The following KMT2D variants were observed in gnomAD, a reference collection of about 807,000 sequenced individuals.
KMT2D encodes histone-lysine N-methyltransferase 2D.
A neutral mutation model predicts 512.7 loss-of-function variants in KMT2D; 55 were observed. That is an observed-to-expected ratio of 0.11 (90% CI 0.09 to 0.13). The LOEUF is 0.13. Ranked by LOEUF, KMT2D falls within the 10% of genes least tolerant of loss-of-function variation. The probability of loss-of-function intolerance (pLI) is 1.00; values close to 1 mark genes in which losing one functional copy is unlikely to be tolerated. For missense variants in KMT2D, 6,061 were observed against 7,127.9 expected, an observed-to-expected ratio of 0.85 and a Z score of 5.39; for synonymous variants, 2,995 against 2,904.0, an observed-to-expected ratio of 1.03 and a Z score of -1.01.
chr12:49,051,176 TGG>T lies in KMT2D; in HGVS notation c.2505_2506del (p.Gln836ValfsTer2). The T allele has an allele frequency of 7.3e-7, 1 of 1,379,180 alleles. No individual in the cohort carries two copies. 85.4% of individuals were successfully genotyped at this position (1,379,180 alleles called of 1,614,324 possible). On this transcript the variant is annotated frameshift_variant, in exon 11 of 55. Coordinates refer to ENST00000301067, the MANE Select transcript of KMT2D (RefSeq NM_003482.4). LOFTEE classifies it high-confidence loss of function. Reference sequence around the variant, plus strand: ...GGGGGACAGGCATGGCTCCTCAGACTGGGGGGACAGGTGTGATTCCTCAGGTT... The same window carrying T: ...GGGGGACAGGCATGGCTCCTCAGACTGGGGACAGGTGTGATTCCTCAGGTT...
Position 49,019,192 on chromosome 12 carries a change from T to A in KMT2D, c.*2588A>T, listed in dbSNP as rs546682701. ...ATCCGTTGTTACGAAGGACCAACCT[T>A]GCTGTACAGGATACACACAACACAA... On this transcript the variant is annotated 3_prime_UTR_variant, in exon 55 of 55. Coordinates refer to ENST00000301067, the MANE Select transcript of KMT2D (RefSeq NM_003482.4). 2 of 1,081,630 alleles carry A rather than the reference T, an allele frequency of 1.8e-6. No homozygotes were observed. The highest frequency in any genetic ancestry group is 3.3e-5 in the African/African-American group (2 of 61,032). 67.0% of individuals were successfully genotyped at this position (1,081,630 alleles called of 1,614,324 possible). A position where few individuals can be genotyped will look rare whatever the true frequency, so the allele number is the denominator to read the frequency against.
Position 49,033,789 on chromosome 12 carries a change from T to C in KMT2D, c.10916A>G (p.His3639Arg), listed in dbSNP as rs745634784. The change falls in exon 40 of 55, where the codon CAT becomes CGT. Residue 3639 changes from histidine to arginine, a missense_variant. His to Arg is a conservative substitution (Grantham distance 29). Coordinates refer to ENST00000301067, the MANE Select transcript of KMT2D (RefSeq NM_003482.4). ...AGGCCCCTGTGGTGGCTGCAGCCCA[T>C]GGCCAGGGAGCAGCTGACCAGGGAG... Reference protein sequence around the residue: ...TKLPGQLLPGHGLQPPQGPPG... With the variant: ...TKLPGQLLPGRGLQPPQGPPG... 5 of 1,603,674 alleles carry C rather than the reference T, an allele frequency of 3.1e-6. No homozygotes were observed. The highest frequency in any genetic ancestry group is 1.3e-5 in the African/African-American group (1 of 74,556).
In KMT2D at chr12:49,041,197, C is replaced by T. The variant is rs202085637; in HGVS notation, c.6573G>A (p.Thr2191=). The T allele has an allele frequency of 3.5e-3, 5,258 of 1,513,392 alleles. 14 individuals carry two copies. Among genetic ancestry groups the T allele is most frequent in the Non-Finnish European group, 4.4e-3 (4,938 of 1,133,296 alleles). The allele number at this position is 1,513,392 out of a possible 1,614,324, so 93.7% of individuals were successfully genotyped here. The change falls in exon 32 of 55, where the codon ACG becomes ACA. Residue 2191 remains threonine (T), a synonymous_variant. Transcript: ENST00000301067. This position sits in a 1 kb window ranked among gnomAD's most constrained non-coding sequence, Gnocchi z 5.4. ...GATAGGGGGGATAGGTGGGCGGTGC[C>T]GTGGGGAAGCGGGGCTCCAGGGGAT... ...PAYPLEPRFP[T]APPTYPPYPS...
rs1398630977 is a variant in KMT2D, at chr12:49,060,246, G to C, written c.-671C>G. On this transcript the variant is annotated 5_prime_UTR_variant, in exon 1 of 55. Transcript: ENST00000301067. ...CCGAGCGCTCACCCTCGGCGGCTTC[G>C]AGCCCCCCACCTTCTGCTCCCCCCG... is the stretch of plus-strand genomic sequence containing the variant. 6.6e-6 allele frequency among the ~76,000 whole-genome samples: 1 copy of C among 152,014 alleles called. No individual in the cohort carries two copies. Among genetic ancestry groups the C allele is most frequent in the Non-Finnish European group, 1.5e-5 (1 of 67,956 alleles).
intron 6 of KMT2D, 47 bp downstream of exon 6, chr12:49,053,931 C>T (rs1295342817): frequency 1.9e-6 from 3 of 1,584,546 alleles, no homozygotes; most frequent in Non-Finnish European, 2.6e-6. Flanking sequence ...ATCCAAGGCA[C>T]ATTTGGTCTC....
chr12:49,042,982 GAGA>G lies in KMT2D; in HGVS notation c.5644+91_5644+93del. The G allele has an allele frequency of 6.4e-7, 1 of 1,567,362 alleles. No homozygotes were observed. Among genetic ancestry groups the G allele is most frequent in the Non-Finnish European group, 8.8e-7 (1 of 1,140,346 alleles). On this transcript the variant is annotated intron_variant, in intron 26 of 54. Coordinates refer to ENST00000301067, the MANE Select transcript of KMT2D (RefSeq NM_003482.4). This position sits in a 1 kb window ranked among gnomAD's most constrained non-coding sequence, Gnocchi z 4.4. Reference sequence around the variant, plus strand: ...AGGAACAGTCCAGGACTCCCCACCAGAGAAGCTGTACAGATCACAGTCCCAAAG... The same window carrying G: ...AGGAACAGTCCAGGACTCCCCACCAGAGCTGTACAGATCACAGTCCCAAAG...
intron 48 of KMT2D, 60 bp downstream of exon 48, chr12:49,027,743 C>G (rs901615819): frequency 6.5e-7 from 1 of 1,547,646 alleles, no homozygotes; most frequent in Non-Finnish European, 8.7e-7. Flanking sequence ...TGTGAGCCAC[C>G]GCGCCTGGCC....
Position 49,029,151 on chromosome 12 carries a change from G to C in KMT2D, c.14161C>G (p.Arg4721Gly), listed in dbSNP as rs777064703. 6.2e-7 allele frequency: 1 copy of C among 1,613,852 alleles called. No individual in the cohort carries two copies. The highest frequency in any genetic ancestry group is 8.5e-7 in the Non-Finnish European group (1 of 1,179,776). The part of the protein sequence containing the change: ...PESILGEEAP[R>G]FPHLGSGRWE... ...CGGCCTGAGCCCAGATGAGGGAAAC[G>C]AGGGGCCTCCTCCCCCAAGATGCTC... The change falls in exon 45 of 55, where the codon CGT becomes GGT. Residue 4721 changes from arginine (R) to glycine (G), a missense_variant. Physicochemically the swap from Arg to Gly is moderately radical, Grantham distance 125. Transcript: ENST00000301067.
chr12:49,052,960 T>A lies in KMT2D; in HGVS notation c.1067A>T (p.Gln356Leu), dbSNP rs754843359. The change falls in exon 9 of 55, where the codon CAG (glutamine) becomes CTG (leucine). Residue 356 changes from glutamine (Q) to leucine (L), a missense_variant. Physicochemically the swap from Gln to Leu is moderately radical, Grantham distance 113. Around this residue, in one of 16 missense-constraint regions of KMT2D, gnomAD observed 848 missense variants for 838.5 expected, o/e 1.01. Coordinates refer to ENST00000301067, the MANE Select transcript of KMT2D (RefSeq NM_003482.4). ...CTGCTCAGCAACGGAGCGGATAGTC[T>A]GACCTCCCTGGGCTTTGTGACAGCG... Reference protein sequence around the residue: ...CHRCHKAQGGQTIRSVAEQHT... With the variant: ...CHRCHKAQGGLTIRSVAEQHT... 6.2e-7 allele frequency: 1 copy of A among 1,613,912 alleles called. No individual in the cohort carries two copies. The highest frequency in any genetic ancestry group is 1.1e-5 in the South Asian group (1 of 91,092).
chr12:49,026,582 G>A lies in KMT2D; in HGVS notation c.15384C>T (p.Asp5128=), dbSNP rs1404376478. 6.2e-7 allele frequency: 1 copy of A among 1,613,930 alleles called. No homozygotes were observed. The highest frequency in any genetic ancestry group is 1.3e-5 in the African/African-American group (1 of 74,948). The change falls in exon 49 of 55, where the codon GAC becomes GAT. Residue 5128 remains aspartate (D), a synonymous_variant. Coordinates refer to ENST00000301067, the MANE Select transcript of KMT2D (RefSeq NM_003482.4). The surrounding 1 kb of genome is among the most constrained non-coding windows in gnomAD (Gnocchi z 9.6). Reference sequence around the variant, plus strand: ...TATGCATTGGACACAGCATGGTCTTGTCCTTGAAGAACATGCACTTGGCAC... The same window carrying A: ...TATGCATTGGACACAGCATGGTCTTATCCTTGAAGAACATGCACTTGGCAC... ...AIRAKCMFFK[D]KTMLCPMHKI...
At position 49,040,964 on chromosome 12, in the gene KMT2D, G is replaced by C. The variant is rs2120538729; in HGVS notation, c.6806C>G (p.Ser2269Cys). The C allele has an allele frequency of 6.2e-7, 1 of 1,610,830 alleles. No individual in the cohort carries two copies. Reference sequence around the variant, plus strand: ...AGGTGGGGGCGAGAGCAGGGGCTCGGAAGCTTTGCCTCCCCCTACCCCAGG... The same window carrying C: ...AGGTGGGGGCGAGAGCAGGGGCTCGCAAGCTTTGCCTCCCCCTACCCCAGG... Reference protein sequence around the residue: ...ESPGVGGGKASEPLLSPPPFG... With the variant: ...ESPGVGGGKACEPLLSPPPFG... The change falls in exon 32 of 55, where the codon TCC (serine) becomes TGC (cysteine). Residue 2269 changes from serine (S) to cysteine (C), a missense_variant. By Grantham distance (112) the Ser-to-Cys change is moderately radical. Transcript: ENST00000301067.
rs553943831 is a variant in KMT2D at position 49,037,549 on chromosome 12, C to A, written c.9807G>T (p.Gln3269His). 3.9e-6 allele frequency: 6 copies of A among 1,554,232 alleles called. No homozygotes were observed. In the African/African-American group the frequency reaches 8.2e-5, roughly 21 times the overall value. Residue 3269 changes from glutamine (Q) to histidine (H), a missense_variant, in exon 35 of 55, where the codon CAG becomes CAT. Transcript: ENST00000301067. ...GCTGCTGCTGCTGGGCAGGCTGCAA[C>A]TGTGCTGAAAGCTGCTGCTTCTTCT... ...ELQKKQQLSA[Q>H]LQPAQQQQQQ...
In KMT2D at chr12:49,032,424, G is replaced by C. The variant is rs755712137; in HGVS notation, c.12281C>G (p.Pro4094Arg). Residue 4094 changes from proline (P) to arginine (R), a missense_variant, in exon 40 of 55, where the codon CCT (proline) becomes CGT (arginine). This residue lies in a region of KMT2D where 1,600 missense variants were observed against 1,754.9 expected (regional missense o/e 0.91). Transcript: ENST00000301067. The stretch of plus-strand genomic sequence containing the variant: ...CTGCTGTTGTCCTGGAAGCCTCAGA[G>C]GTGGCTGCAGCTGCAGAGAGCTGGG... The part of the protein sequence containing the change: ...PQPSSLQLQP[P>R]LRLPGQQQQQ... 1 of 1,583,148 alleles carries C rather than the reference G, an allele frequency of 6.3e-7. No homozygotes were observed. Among genetic ancestry groups the C allele is most frequent in the African/African-American group, 1.3e-5 (1 of 74,224 alleles).
At position 49,053,615 on chromosome 12, in the gene KMT2D, C is replaced by G. The variant is rs2120698968; in HGVS notation, c.700G>C (p.Gly234Arg). ...AACAGGTCACACAACTCCCCTGGCCCCTCACACACTGCACAGCGAGCCTCC... is the reference window on the plus strand; with the variant it reads ...AACAGGTCACACAACTCCCCTGGCCGCTCACACACTGCACAGCGAGCCTCC... ...LEEARCAVCEGPGELCDLFFC... is the reference protein window; with the variant it reads ...LEEARCAVCERPGELCDLFFC... The change falls in exon 7 of 55, where the codon GGG becomes CGG. Residue 234 changes from glycine to arginine, a missense_variant. By Grantham distance (125) the Gly-to-Arg change is moderately radical (BLOSUM62 -2). Transcript: ENST00000301067. 2.5e-6 allele frequency: 4 copies of G among 1,597,584 alleles called. No homozygotes were observed. In the South Asian group the frequency reaches 3.4e-5, roughly 14 times the overall value.
rs2120667224 is a variant in KMT2D, at chr12:49,051,281, G to A, written c.2402C>T (p.Pro801Leu). The change falls in exon 11 of 55, where the codon CCT becomes CTT. Residue 801 changes from proline (P) to leucine (L), a missense_variant. By Grantham distance (98) the Pro-to-Leu change is moderately conservative. Transcript: ENST00000301067. ...CTGGGGGGACAGGTGCAATTCCTCA[G>A]GCTGAGGGGACAGATGTGGTCCCTC... is the stretch of plus-strand genomic sequence containing the variant. Reference protein sequence around the residue: ...QAEGPHLSPQPEELHLSPQTE... With the variant: ...QAEGPHLSPQLEELHLSPQTE... 6.4e-7 allele frequency: 1 copy of A among 1,558,292 alleles called. No individual in the cohort carries two copies. The highest frequency in any genetic ancestry group is 8.7e-7 in the Non-Finnish European group (1 of 1,151,112).
At chr12:49,045,852 G>T (rs1325016016) in intron 19 of KMT2D, 68 bp downstream of exon 19, 26 of 1,284,800 alleles carry the variant, frequency 2.0e-5, no homozygotes, top group Non-Finnish European at 2.8e-5. Context: ...AAGCTAGGGG[G>T]TTGGAGCTAG....
chr12:49,051,767 G>C lies in KMT2D; in HGVS notation c.1916C>G (p.Pro639Arg), dbSNP rs369652207. ...PPEDSPMSPPPEESPMSPPPE... is the reference protein window; with the variant it reads ...PPEDSPMSPPREESPMSPPPE... ...TGGGGGGGACATAGGTGATTCTTCA[G>C]GTGGTGGGGACATAGGCGAGTCCTC... is the stretch of plus-strand genomic sequence containing the variant. Residue 639 changes from proline (P) to arginine (R), a missense_variant, in exon 11 of 55, where the codon CCT becomes CGT. By Grantham distance (103) the Pro-to-Arg change is moderately radical. This residue lies in a region of KMT2D where 848 missense variants were observed against 838.5 expected (regional missense o/e 1.01). Transcript: ENST00000301067. 3 of 1,609,384 alleles carry C rather than the reference G, an allele frequency of 1.9e-6. No homozygotes were observed. The highest frequency in any genetic ancestry group is 2.5e-6 in the Non-Finnish European group (3 of 1,177,124).
rs375308348 is a variant in KMT2D, at chr12:49,051,487, C to T, written c.2196G>A (p.Pro732=). Residue 732 remains proline, a synonymous_variant, in exon 11 of 55, where the codon CCG becomes CCA. Transcript: ENST00000301067. ...GCCCCTCGGACCGGGGGCAGAGTTGCGGCTCCTCAGGTAGTGGCAACAGGG... is the reference window on the plus strand; with the variant it reads ...GCCCCTCGGACCGGGGGCAGAGTTGTGGCTCCTCAGGTAGTGGCAACAGGG... ...ESPLLPLPEE[P]QLCPRSEGPH... is the part of the protein sequence containing the mutation. The T allele has an allele frequency of 1.5e-5, 24 of 1,613,192 alleles. No homozygotes were observed. Among genetic ancestry groups the T allele is most frequent in the East Asian group, 1.1e-4 (5 of 44,858 alleles).
chr12:49,035,115 G>T (rs1943159147), intron 35 of KMT2D, among the ~76,000 whole-genome samples, 180 bp from the exon 36 acceptor site: 1 of 152,192 alleles, frequency 6.6e-6, no homozygotes. Flanking sequence ...CACAGGACAT[G>T]TGGGCCTGTT....
Sources: allele counts gnomAD v4.1 joint callset (sites outside exome capture counted in the v4.1 genomes callset), GRCh38; gene constraint gnomAD v4.1.1; regional missense constraint gnomAD v4.1.1; non-coding constraint Gnocchi (gnomAD v3.1); transcripts MANE v1.5; gene names NCBI Gene and HGNC (gene_info 2026-07-23, HGNC 2026-07-21).